The following RBPMS variants were observed in gnomAD, a reference collection of about 807,000 sequenced individuals.
RBPMS encodes the protein RNA-binding protein with multiple splicing.
RBPMS carries 7 observed loss-of-function variants against 26.8 expected under a neutral mutation model. That is an observed-to-expected ratio of 0.26 (90% confidence interval 0.15 to 0.49). The LOEUF is 0.49. RBPMS is among the 20% of genes least tolerant of loss of function. RBPMS has a pLI of 0.98. For synonymous variants in RBPMS, 96 were observed against 93.3 expected (o/e 1.03, Z -0.17); for missense variants, 186 against 250.0 (o/e 0.74, Z 1.73).
intron 3 of RBPMS, among the ~76,000 whole-genome samples, chr8:30,478,755 C>T (rs1763704142): frequency 1.3e-5 from 2 of 152,298 alleles, no homozygotes; most frequent in South Asian, 4.1e-4. Flanking sequence ...ACCTTGGCCT[C>T]CCAAAGTACT....
intron 1 of RBPMS, chr8:30,386,914 C>T (rs1807173142): frequency 6.6e-6 from 1 of 151,980 alleles, no homozygotes; most frequent in Non-Finnish European, 1.5e-5. Flanking sequence ...AAATCATACC[C>T]ACATTAAAAT....
At chr8:30,511,588 GATAT>G (rs1363863456) in intron 5 of RBPMS, among the ~76,000 whole-genome samples, 6 of 139,774 alleles carry the variant, frequency 4.3e-5, no homozygotes, top group Middle Eastern at 3.7e-3. Flanking sequence ...TATGTGTATA[GATAT>G]ATATATTTGT....
At chr8:30,495,106 T>C (rs1163668432) in intron 4 of RBPMS, among the ~76,000 whole-genome samples, 2 of 152,178 alleles carry the variant, frequency 1.3e-5, no homozygotes, top group African/African-American at 4.8e-5. Flanking sequence ...AACACTTAGC[T>C]TGTTACAGAT....
intron 1 of RBPMS, among the ~76,000 whole-genome samples, chr8:30,434,703 C>CG (rs1812263904): frequency 8.6e-6 from 1 of 116,770 alleles, no homozygotes; most frequent in Non-Finnish European, 1.6e-5. Context: ...GACTCTGCCT[C>CG]GAAAAAAAAA....
chr8:30,446,804 T>TGC (rs1212698977), intron 1 of RBPMS: 1,094 of 84,474 alleles, frequency 0.013, 21 homozygotes, highest in African/African-American at 0.062. Flanking sequence ...CTTGTGTGTG[T>TGC]GTGTGTGTGT....
intron 1 of RBPMS, among the ~76,000 whole-genome samples, chr8:30,423,938 A>G (rs935757672): frequency 6.6e-6 from 1 of 151,974 alleles, no homozygotes; most frequent in Non-Finnish European, 1.5e-5. Flanking sequence ...CCCGGGTTCA[A>G]GCCATTCTCT....
Position 30,497,767 on chromosome 8 carries a change from C to T in RBPMS, c.247-6519C>T, listed in dbSNP as rs537224343. 3.5e-3 allele frequency among the ~76,000 whole-genome samples: 532 copies of T among 152,018 alleles called. 4 individuals carry two copies. The highest frequency in any genetic ancestry group is 0.01 in the Middle Eastern group (3 of 294). On this transcript the variant is annotated intron_variant, in intron 4 of 8. Transcript: ENST00000397323. ...CCTCCCGAGTAGCTGGGACTACAGG[C>T]GCCCGCCACCACGCCTGGCTAATTT... is the stretch of plus-strand genomic sequence containing the variant.
At chr8:30,492,094 G>T (rs139089666) in intron 4 of RBPMS, among the ~76,000 whole-genome samples, 1 of 152,114 alleles carries the variant, frequency 6.6e-6, no homozygotes, top group East Asian at 1.9e-4. Context: ...GTTTCACCAT[G>T]GTTGTCAGGC....
At chr8:30,563,080 T>G (rs3757915) in intron 7 of RBPMS, among the ~76,000 whole-genome samples, 1 of 152,102 alleles carries the variant, frequency 6.6e-6, no homozygotes, top group South Asian at 2.1e-4. Context: ...TTACTGCTCA[T>G]GATCCTGCAA....
At chr8:30,549,011 C>T (rs1431022461) in intron 6 of RBPMS, among the ~76,000 whole-genome samples, 2 of 152,326 alleles carry the variant, frequency 1.3e-5, no homozygotes, top group East Asian at 1.9e-4. Context: ...CCTTAGGAGT[C>T]GCCCAGCAGC....
intron 1 of RBPMS, chr8:30,445,478 A>G (rs190360376): frequency 6.6e-6 from 1 of 152,058 alleles, no homozygotes; most frequent in African/African-American, 2.4e-5. Context: ...CTGAAGAACT[A>G]TAAGTTCCAT....
chr8:30,432,827 C>T (rs1563313510), intron 1 of RBPMS, among the ~76,000 whole-genome samples: 1 of 145,440 alleles, frequency 6.9e-6, no homozygotes, highest in Non-Finnish European at 1.5e-5. Context: ...ATAAATAAAA[C>T]GATTCCACAT....
At chr8:30,486,364 T>TAA (rs140824181) in intron 4 of RBPMS, among the ~76,000 whole-genome samples, 1,850 of 140,428 alleles carry the variant, frequency 0.013, 17 homozygotes, top group Non-Finnish European at 0.019. Flanking sequence ...ATAAATAACA[T>TAA]AAAAAAAAAA....
intron 1 of RBPMS, among the ~76,000 whole-genome samples, chr8:30,419,151 T>C (rs1810442808): frequency 6.6e-6 from 1 of 152,068 alleles, no homozygotes; most frequent in Non-Finnish European, 1.5e-5. Flanking sequence ...TTTAATTTTA[T>C]TTTTAAAAAT....
chr8:30,450,689 CA>C (rs1814458885), intron 1 of RBPMS, among the ~76,000 whole-genome samples: 1 of 144,320 alleles, frequency 6.9e-6, no homozygotes, highest in African/African-American at 2.6e-5. Context: ...GCTGTGAAAA[CA>C]TAATTGGAGT....
intron 6 of RBPMS, chr8:30,552,416 G>A (rs1826466817): frequency 6.6e-6 from 1 of 152,184 alleles, no homozygotes; most frequent in Admixed American, 6.5e-5. Flanking sequence ...ATGGAATCAT[G>A]TTTTATTCAG....
intron 1 of RBPMS, among the ~76,000 whole-genome samples, chr8:30,393,033 T>G (rs769571327): frequency 1.3e-5 from 2 of 152,054 alleles, no homozygotes; most frequent in Non-Finnish European, 2.9e-5. Context: ...ATACAAAATT[T>G]AGTGAAAATT....
rs1812219549 is a variant in RBPMS, at chr8:30,434,256, T to C, written c.67-40523T>C. On this transcript the variant is annotated intron_variant, in intron 1 of 8. Coordinates refer to ENST00000397323, the MANE Select transcript of RBPMS (RefSeq NM_001008710.3). Reference sequence around the variant, plus strand: ...TCAAACTCTGAAATTCTGTGGTTGATATTAGGTCCAGTACTGGGGATCTGT... The same window carrying C: ...TCAAACTCTGAAATTCTGTGGTTGACATTAGGTCCAGTACTGGGGATCTGT... Among the ~76,000 whole-genome samples the C allele has an allele frequency of 1.3e-5, 2 of 152,126 alleles. 1 individual carries two copies. Among genetic ancestry groups the C allele is most frequent in the South Asian group, 4.1e-4 (2 of 4,828 alleles).
chr8:30,549,633 C>T (rs116117633), intron 6 of RBPMS: 58 of 1,452,140 alleles, frequency 4.0e-5, no homozygotes, highest in East Asian at 1.1e-4. Flanking sequence ...GGAGGAGGGG[C>T]GGACGGGGAG....
Sources: gnomAD v4.1 joint callset for allele counts (sites outside exome capture counted in the v4.1 genomes callset) on GRCh38, gnomAD v4.1.1 for gene constraint, MANE v1.5 for transcripts, NCBI Gene and HGNC (gene_info 2026-07-23, HGNC 2026-07-21) for gene names.